ZNF844: variants seen among roughly 807,000 people sequenced by gnomAD.
ZNF844 encodes the protein zinc finger protein 844.
In ZNF844, 11 loss-of-function variants were observed where a neutral mutation model predicts 11.4. That is an observed-to-expected ratio of 0.97 (90% confidence interval 0.61 to 1.60). ZNF844 has a LOEUF of 1.60. Among genes scored for constraint, ZNF844 ranks in the 40% most tolerant of loss-of-function variants. ZNF844 has a pLI of 0.00. For missense variants in ZNF844, 790 were observed against 796.8 expected (o/e 0.99, Z 0.10); for synonymous variants, 248 against 260.3 (o/e 0.95, Z 0.46).
Position 12,076,920 on chromosome 19 carries a change from C to CT in ZNF844, c.1802dup (p.Glu602ArgfsTer42). 1 of 1,593,748 alleles carries CT rather than the reference C, an allele frequency of 6.3e-7. No homozygotes were observed. The highest frequency in any genetic ancestry group is 8.5e-7 in the Non-Finnish European group (1 of 1,170,122). On this transcript the variant is annotated frameshift_variant, in exon 4 of 4. Coordinates refer to ENST00000439326, the MANE Select transcript of ZNF844 (RefSeq NM_001136501.3). LOFTEE classifies it low-confidence loss of function (END_TRUNC). The stretch of plus-strand genomic sequence containing the variant: ...CAAAGCATTCATATCTGCCAAGATC[C>CT]TTCGAGTACATGCAAGAACACACCC...
At position 12,075,382 on chromosome 19, in the gene ZNF844, C is replaced by A; in HGVS notation, c.262C>A (p.Pro88Thr). Residue 88 changes from proline to threonine, a missense_variant, in exon 4 of 4, where the codon CCA becomes ACA. Pro to Thr is a conservative substitution (Grantham distance 38, BLOSUM62 -1). Coordinates refer to ENST00000439326, the MANE Select transcript of ZNF844 (RefSeq NM_001136501.3). ...TTGTGGAGAAACTTCTAGCCAGATT[C>A]CAGATGACACACTGAACAAAAAAAC... ...NHCGETSSQI[P>T]DDTLNKKTSP... 4 of 1,579,128 alleles carry A rather than the reference C, an allele frequency of 2.5e-6. No individual in the cohort carries two copies. In the South Asian group the frequency reaches 3.5e-5, roughly 14 times the overall value.
rs978376252 is a variant in ZNF844 at position 12,078,148 on chromosome 19, T to G, written c.*1027T>G. 7 of 152,674 alleles carry G rather than the reference T, an allele frequency of 4.6e-5. No homozygotes were observed. The highest frequency in any genetic ancestry group is 1.7e-4 in the African/African-American group (7 of 40,912). The allele number at this position is 152,674 out of a possible 1,614,324, so 9.5% of individuals were successfully genotyped here. ...CCGGCCGTTATTCTCTATTTTTTGT[T>G]GTTGTTTGAGATGAGTCTTGTTCTG... On this transcript the variant is annotated 3_prime_UTR_variant, in exon 4 of 4. Transcript: ENST00000439326.
At chr19:12,068,399 G>A (rs1194798074) in intron 1 of ZNF844, among the ~76,000 whole-genome samples, 2 of 152,122 alleles carry the variant, frequency 1.3e-5, no homozygotes, top group African/African-American at 2.4e-5. Context: ...AGGCTGAGGC[G>A]GGCAGATCAT....
chr19:12,074,212 T>A (rs1280895352), intron 2 of ZNF844, 55 bp downstream of exon 2: 18 of 1,606,914 alleles, frequency 1.1e-5, no homozygotes, highest in Non-Finnish European at 1.5e-5. Flanking sequence ...TTCTAGCTCA[T>A]TAATGCTATT....
intron 1 of ZNF844, among the ~76,000 whole-genome samples, chr19:12,069,938 A>C (rs1183920771): frequency 7.2e-6 from 1 of 139,380 alleles, no homozygotes; most frequent in Admixed American, 7.4e-5. Flanking sequence ...CCTGGACAAC[A>C]GTGAGACTCC....
chr19:12,070,849 A>C (rs1040487583), intron 1 of ZNF844, among the ~76,000 whole-genome samples: 2 of 152,184 alleles, frequency 1.3e-5, no homozygotes, highest in Non-Finnish European at 2.9e-5. Context: ...AGAGCAAGGT[A>C]CCGTAGAGGA....
Position 12,078,571 on chromosome 19 carries a change from C to T in ZNF844, c.*1450C>T, listed in dbSNP as rs1045694942. On this transcript the variant is annotated 3_prime_UTR_variant, in exon 4 of 4. Transcript: ENST00000439326. The stretch of plus-strand genomic sequence containing the variant: ...GGACAAAATCCCAGGCATCTTTTTC[C>T]TCATGTAAATTTTAATTTTCATGCT... 16 of 152,162 alleles carry T rather than the reference C, an allele frequency of 1.1e-4. No homozygotes were observed. The highest frequency in any genetic ancestry group is 3.9e-4 in the African/African-American group (16 of 41,432). The allele number at this position is 152,162 out of a possible 1,614,324, so 9.4% of individuals were successfully genotyped here.
In ZNF844 at chr19:12,074,015, A is replaced by C. The variant is rs1467748121; in HGVS notation, c.4-16A>C. 3.1e-6 allele frequency: 5 copies of C among 1,609,940 alleles called. No individual in the cohort carries two copies. The highest frequency in any genetic ancestry group is 1.7e-5 in the Admixed American group (1 of 59,782). On this transcript the variant is annotated splice_polypyrimidine_tract_variant and intron_variant, in intron 1 of 3. Coordinates refer to ENST00000439326, the MANE Select transcript of ZNF844 (RefSeq NM_001136501.3). ...CAGTCTCACCCATCCTCCTCTATAC[A>C]TGTGGGATGTTTCAGGACTTGGTGG... is the stretch of plus-strand genomic sequence containing the variant.
In ZNF844 at chr19:12,064,764, A is replaced by G; in HGVS notation, c.-110A>G. 1.6e-6 allele frequency: 2 copies of G among 1,222,208 alleles called. No homozygotes were observed. Among genetic ancestry groups the G allele is most frequent in the Non-Finnish European group, 1.1e-6 (1 of 877,248 alleles). The allele number at this position is 1,222,208 out of a possible 1,614,324, so 75.7% of individuals were successfully genotyped here. On this transcript the variant is annotated 5_prime_UTR_variant, in exon 1 of 4. Coordinates refer to ENST00000439326, the MANE Select transcript of ZNF844 (RefSeq NM_001136501.3). ...GCCCCTCCCGCCGGGTGAGGTTGGCACCCCGTTTTTCCTGCTCTGAGAGGG... is the reference window on the plus strand; with the variant it reads ...GCCCCTCCCGCCGGGTGAGGTTGGCGCCCCGTTTTTCCTGCTCTGAGAGGG...
intron 1 of ZNF844, among the ~76,000 whole-genome samples, chr19:12,065,350 C>T (rs1463079824): frequency 6.6e-6 from 1 of 151,980 alleles, no homozygotes; most frequent in African/African-American, 2.4e-5. Flanking sequence ...GAACTTGTGA[C>T]AGCGGATAAA....
At chr19:12,069,897 G>A (rs1273439525) in intron 1 of ZNF844, among the ~76,000 whole-genome samples, 1 of 149,306 alleles carries the variant, frequency 6.7e-6, no homozygotes, top group Non-Finnish European at 1.5e-5. Context: ...GGAGGTTGCG[G>A]AGAGCCAAGT....
At chr19:12,065,022 C>T (rs1975672390) in intron 1 of ZNF844, 146 bp downstream of exon 1, 7 of 882,022 alleles carry the variant, frequency 7.9e-6, no homozygotes, top group African/African-American at 1.8e-5. Context: ...TGGCGCAGCT[C>T]GGCCTTCGGT....
In ZNF844 at chr19:12,078,245, AG is replaced by A. The variant is rs1975854565; in HGVS notation, c.*1126del. Reference sequence around the variant, plus strand: ...GCAATTCTCCTGCCTCAGGCTCCTGAGGAAAAAGATTCCTAGGATTACAGGT... The same window carrying A: ...GCAATTCTCCTGCCTCAGGCTCCTGAGAAAAAGATTCCTAGGATTACAGGT... On this transcript the variant is annotated 3_prime_UTR_variant, in exon 4 of 4. Transcript: ENST00000439326. 6.6e-6 allele frequency: 1 copy of A among 152,342 alleles called. No individual in the cohort carries two copies. Among genetic ancestry groups the A allele is most frequent in the African/African-American group, 2.4e-5 (1 of 41,412 alleles). 9.4% of individuals were successfully genotyped at this position (152,342 alleles called of 1,614,324 possible).
intron 2 of ZNF844, 87 bp from the exon 3 acceptor site, chr19:12,074,274 G>A: frequency 6.6e-7 from 1 of 1,522,134 alleles, no homozygotes; most frequent in African/African-American, 1.4e-5. Flanking sequence ...ATGAGGTATG[G>A]CTCTAATGTC....
Position 12,076,798 on chromosome 19 carries a change from ATAAGG to A in ZNF844, c.1679_1683del (p.Ile560LysfsTer82), listed in dbSNP as rs1358258286. On this transcript the variant is annotated frameshift_variant, in exon 4 of 4. Coordinates refer to ENST00000439326, the MANE Select transcript of ZNF844 (RefSeq NM_001136501.3). LOFTEE classifies it low-confidence loss of function (END_TRUNC). ...AAGACACACCCTGGAGAGAAACCCT[ATAAGG>A]AATATGGAAAAGCATTCAACAATTT... The A allele has an allele frequency of 1.3e-6, 2 of 1,566,652 alleles. No homozygotes were observed. The highest frequency in any genetic ancestry group is 8.7e-7 in the Non-Finnish European group (1 of 1,154,794).
Position 12,064,817 on chromosome 19 carries a change from G to A in ZNF844, c.-57G>A. On this transcript the variant is annotated 5_prime_UTR_variant, in exon 1 of 4. Coordinates refer to ENST00000439326, the MANE Select transcript of ZNF844 (RefSeq NM_001136501.3). ...CGGTTGCCACCGCCATACTTCTGTC[G>A]CCCTGTCGTCTGTGTTGTGACTGCT... is the stretch of plus-strand genomic sequence containing the variant. The A allele has an allele frequency of 6.5e-7, 1 of 1,544,052 alleles. No homozygotes were observed. The highest frequency in any genetic ancestry group is 2.5e-5 in the East Asian group (1 of 39,244).
chr19:12,080,131 G>A lies in ZNF844; in HGVS notation c.*3010G>A, dbSNP rs1189119642. ...TGGGAGGCTGAGGTGGGCGGATCACGAGGTCAGGAGATCAAGACCATCCTG... is the reference window on the plus strand; with the variant it reads ...TGGGAGGCTGAGGTGGGCGGATCACAAGGTCAGGAGATCAAGACCATCCTG... On this transcript the variant is annotated 3_prime_UTR_variant, in exon 4 of 4. Transcript: ENST00000439326. 4 of 166,466 alleles carry A rather than the reference G, an allele frequency of 2.4e-5. No homozygotes were observed. The highest frequency in any genetic ancestry group is 2.5e-4 in the South Asian group (2 of 8,018). The allele number at this position is 166,466 out of a possible 1,614,324, so 10.3% of individuals were successfully genotyped here. A position where few individuals can be genotyped will look rare whatever the true frequency, so the allele number is the denominator to read the frequency against.
At chr19:12,073,881 A>G in intron 1 of ZNF844, 150 bp from the exon 2 acceptor site, 1 of 967,186 alleles carries the variant, frequency 1.0e-6, no homozygotes, top group Non-Finnish European at 1.4e-6. Context: ...GAAGAAAGTA[A>G]GTGTAGACAG....
intron 1 of ZNF844, among the ~76,000 whole-genome samples, chr19:12,067,167 T>TC (rs1474048150): frequency 6.6e-6 from 1 of 151,704 alleles, no homozygotes; most frequent in Non-Finnish European, 1.5e-5. Context: ...GCCACTGCAC[T>TC]CCAGCTTGGG....
Sources: gnomAD v4.1 joint callset for allele counts (sites outside exome capture counted in the v4.1 genomes callset) on GRCh38, gnomAD v4.1.1 for gene constraint, MANE v1.5 for transcripts, NCBI Gene and HGNC (gene_info 2026-07-23, HGNC 2026-07-21) for gene names.